RBM6: variants seen among roughly 807,000 people sequenced by gnomAD.
The protein encoded by RBM6 is RNA-binding protein 6.
Under a neutral mutation model 140.4 loss-of-function variants are expected in RBM6, and 23 were observed. That is an observed-to-expected ratio of 0.16 (90% CI 0.12 to 0.23). The LOEUF (loss-of-function observed/expected upper bound fraction) is 0.23, where lower values mean the gene tolerates loss of function less well. RBM6 is among the 10% of genes least tolerant of loss of function. The pLI is 1.00. For synonymous variants in RBM6, 439 were observed against 475.6 expected (o/e 0.92, Z 1.00); for missense variants, 1,139 against 1,386.7 (o/e 0.82, Z 2.84).
intron 6 of RBM6, among the ~76,000 whole-genome samples, chr3:50,030,528 T>G (rs1269442063): frequency 3.9e-5 from 6 of 152,216 alleles, no homozygotes; most frequent in Non-Finnish European, 8.8e-5. Context: ...GTTTATGAAT[T>G]TTAAGCAAAA....
chr3:49,987,929 C>T lies in RBM6; in HGVS notation c.1484-11511C>T, dbSNP rs534553948. On this transcript the variant is annotated intron_variant, in intron 5 of 20. Transcript: ENST00000266022. Reference sequence around the variant, plus strand: ...TGGGGATTACAGGTATGAGCCACCACGCCCGGTCATCAAAGATAATGTTTT... The same window carrying T: ...TGGGGATTACAGGTATGAGCCACCATGCCCGGTCATCAAAGATAATGTTTT... Among the ~76,000 whole-genome samples, 12 of 152,214 alleles carry T rather than the reference C, an allele frequency of 7.9e-5. No individual in the cohort carries two copies. The South Asian group carries it at 1.0e-3, about 13-fold the overall frequency.
chr3:50,033,792 C>T (rs997978929), intron 6 of RBM6, among the ~76,000 whole-genome samples: 2 of 152,126 alleles, frequency 1.3e-5, no homozygotes, highest in African/African-American at 4.8e-5. Flanking sequence ...CAGGTGCATA[C>T]CACCACGCCC....
chr3:50,072,160 C>T (rs1381911978), intron 19 of RBM6, among the ~76,000 whole-genome samples: 1 of 147,794 alleles, frequency 6.8e-6, no homozygotes, highest in Non-Finnish European at 1.5e-5. Context: ...GTAATCCCAG[C>T]ACTTTGGGAG....
Position 50,062,034 on chromosome 3 carries a change from C to A in RBM6, c.2512C>A (p.Gln838Lys). The A allele has an allele frequency of 1.2e-6, 2 of 1,613,696 alleles. No homozygotes were observed. Among genetic ancestry groups the A allele is most frequent in the South Asian group, 2.2e-5 (2 of 91,020 alleles). ...GATCAAGGAAAAAAAACCCACCAGT[C>A]AAGGAAAGTCAAGTAGCAAGAAGGA... ...EEIKEKKPTSQGKSSSKKEMS... is the reference protein window; with the variant it reads ...EEIKEKKPTSKGKSSSKKEMS... The change falls in exon 15 of 21, where the codon CAA becomes AAA. Residue 838 changes from glutamine (Q) to lysine (K), a missense_variant. Around this residue, in one of 9 missense-constraint regions of RBM6, gnomAD observed 163 missense variants for 182.8 expected, o/e 0.89. Transcript: ENST00000266022.
At position 49,968,727 on chromosome 3, in the gene RBM6, A is replaced by G; in HGVS notation, c.1302A>G (p.Arg434=). 6.8e-7 allele frequency: 1 copy of G among 1,480,250 alleles called. No homozygotes were observed. Among genetic ancestry groups the G allele is most frequent in the Non-Finnish European group, 9.1e-7 (1 of 1,101,058 alleles). The allele number at this position is 1,480,250 out of a possible 1,614,324, so 91.7% of individuals were successfully genotyped here. A position where few individuals can be genotyped will look rare whatever the true frequency, so the allele number is the denominator to read the frequency against. The change falls in exon 3 of 21, where the codon CGA becomes CGG. Residue 434 remains arginine (R), a synonymous_variant. Coordinates refer to ENST00000266022, the MANE Select transcript of RBM6 (RefSeq NM_005777.3). ...SKSFPEGKTA[R]DAQRDLQDQD... ...CTTTTCCAGAGGGCAAAACTGCCCG[A>G]GATGCCCAACGGGACCTTCAGGTAT...
chr3:50,009,520 A>G (rs2086745437), intron 6 of RBM6, among the ~76,000 whole-genome samples: 1 of 152,172 alleles, frequency 6.6e-6, no homozygotes, highest in Non-Finnish European at 1.5e-5. Flanking sequence ...TGTTAAGGAT[A>G]TTGATGAACT....
intron 6 of RBM6, among the ~76,000 whole-genome samples, chr3:50,027,790 T>G (rs747947131): frequency 5.3e-5 from 8 of 152,264 alleles, no homozygotes; most frequent in African/African-American, 4.8e-5. Context: ...TGAATAATAC[T>G]ATTCACATTC....
At chr3:49,975,570 T>G (rs1000813024) in intron 5 of RBM6, among the ~76,000 whole-genome samples, 178 bp downstream of exon 5, 1 of 152,250 alleles carries the variant, frequency 6.6e-6, no homozygotes, top group Non-Finnish European at 1.5e-5. Context: ...TGTGGATGTT[T>G]GTCCACACAT....
At chr3:50,015,221 C>T (rs950549575) in intron 6 of RBM6, among the ~76,000 whole-genome samples, 1 of 151,260 alleles carries the variant, frequency 6.6e-6, no homozygotes, top group Non-Finnish European at 1.5e-5. Context: ...GGTTGTCCTG[C>T]TTCAGCCTCC....
At chr3:50,003,498 G>C (rs988353239) in intron 6 of RBM6, among the ~76,000 whole-genome samples, 1 of 152,034 alleles carries the variant, frequency 6.6e-6, no homozygotes, top group Non-Finnish European at 1.5e-5. Context: ...TTGCTATTCC[G>C]ACTCTTGATG....
Position 49,967,065 on chromosome 3 carries a change from T to C in RBM6, c.45-405T>C, listed in dbSNP as rs574494186. 4.0e-5 allele frequency: 9 copies of C among 225,020 alleles called. No individual in the cohort carries two copies. In the South Asian group the frequency reaches 1.2e-3, roughly 30 times the overall value. 13.9% of individuals were successfully genotyped at this position (225,020 alleles called of 1,614,324 possible). On this transcript the variant is annotated intron_variant, in intron 2 of 20. Transcript: ENST00000266022. This position sits in a 1 kb window ranked among gnomAD's most constrained non-coding sequence, Gnocchi z 4.0. The stretch of plus-strand genomic sequence containing the variant: ...TTACTGTAAGAAATTTACAGTGCAT[T>C]GATTTTTCTGATATATAGGAATCGT...
At chr3:50,033,721 T>C (rs925160695) in intron 6 of RBM6, among the ~76,000 whole-genome samples, 1 of 152,294 alleles carries the variant, frequency 6.6e-6, no homozygotes. Flanking sequence ...CTCAGCTCAC[T>C]GCAAGCTCTG....
At chr3:50,053,522 A>G (rs150667198) in intron 7 of RBM6, among the ~76,000 whole-genome samples, 4 of 150,442 alleles carry the variant, frequency 2.7e-5, no homozygotes, top group Non-Finnish European at 5.9e-5. Flanking sequence ...CAAGAGTGAA[A>G]CTCCGTCTCA....
intron 6 of RBM6, among the ~76,000 whole-genome samples, chr3:50,020,027 T>C (rs1017305583): frequency 3.3e-5 from 5 of 152,142 alleles, no homozygotes; most frequent in Admixed American, 6.6e-5. Flanking sequence ...CAAGCAACTT[T>C]CCCATCTCAG....
intron 6 of RBM6, among the ~76,000 whole-genome samples, chr3:50,036,354 G>A (rs1398541567): frequency 1.3e-5 from 2 of 152,194 alleles, no homozygotes; most frequent in African/African-American, 4.8e-5. Context: ...CTGATCAGGA[G>A]AGTTTCTTGA....
At chr3:49,964,974 G>A (rs983169068) in intron 2 of RBM6, among the ~76,000 whole-genome samples, 1 of 152,116 alleles carries the variant, frequency 6.6e-6, no homozygotes, top group African/African-American at 2.4e-5. Flanking sequence ...GAACTAATTT[G>A]AACCAAAACA....
chr3:50,054,892 C>T (rs1342289840), intron 8 of RBM6, among the ~76,000 whole-genome samples: 11 of 152,214 alleles, frequency 7.2e-5, no homozygotes, highest in Admixed American at 2.6e-4. Flanking sequence ...GGCGCAATCT[C>T]GGATCACTGC....
intron 5 of RBM6, among the ~76,000 whole-genome samples, chr3:49,979,851 G>A (rs2085224514): frequency 6.6e-6 from 1 of 152,120 alleles, no homozygotes; most frequent in East Asian, 1.9e-4. Flanking sequence ...GGTGGCCAGG[G>A]TATTGGGGGA....
In RBM6 at chr3:49,968,609, G is replaced by A; in HGVS notation, c.1184G>A (p.Gly395Glu). 5.0e-6 allele frequency: 8 copies of A among 1,614,088 alleles called. No individual in the cohort carries two copies. The highest frequency in any genetic ancestry group is 6.8e-6 in the Non-Finnish European group (8 of 1,180,030). Residue 395 changes from glycine to glutamate, a missense_variant, in exon 3 of 21, where the codon GGG becomes GAG. Around this residue, in one of 9 missense-constraint regions of RBM6, gnomAD observed 566 missense variants for 612.7 expected, o/e 0.92. Coordinates refer to ENST00000266022, the MANE Select transcript of RBM6 (RefSeq NM_005777.3). ...FKEEGGLDFL[G>E]RQDTDYRSME... ...GAAGAAGGCGGTCTGGACTTTCTTGGGCGGCAAGACACCGATTACAGAAGC... is the reference window on the plus strand; with the variant it reads ...GAAGAAGGCGGTCTGGACTTTCTTGAGCGGCAAGACACCGATTACAGAAGC...
Sources: gnomAD v4.1 joint callset for allele counts (sites outside exome capture counted in the v4.1 genomes callset) on GRCh38, gnomAD v4.1.1 for gene constraint, gnomAD v4.1.1 regional missense constraint, Gnocchi (gnomAD v3.1) non-coding constraint, MANE v1.5 for transcripts, NCBI Gene and HGNC (gene_info 2026-07-23, HGNC 2026-07-21) for gene names.